The following ZNRF3 variants were observed in gnomAD, a reference collection of about 807,000 sequenced individuals.
ZNRF3 encodes the protein zinc and ring finger 3.
ZNRF3 carries 23 observed loss-of-function variants against 72.5 expected under a neutral mutation model. That is an observed-to-expected ratio of 0.32 (90% CI 0.23 to 0.45). The LOEUF is 0.45. Ranked by LOEUF, ZNRF3 falls within the 20% of genes least tolerant of loss-of-function variation. The pLI is 1.00. For synonymous variants in ZNRF3, 610 were observed against 545.3 expected, an observed-to-expected ratio of 1.12 and a Z score of -1.65; for missense variants, 1,169 against 1,272.1, an observed-to-expected ratio of 0.92 and a Z score of 1.23.
chr22:28,901,932 CTTTTTTTTTTTT>C (rs398036773), intron 1 of ZNRF3, among the ~76,000 whole-genome samples: 1 of 112,980 alleles, frequency 8.9e-6, no homozygotes, highest in Non-Finnish European at 1.8e-5. Context: ...TTTAAGTTAA[CTTTTTTTTTTTT>C]TTTTTTTTTG....
Position 28,987,169 on chromosome 22 carries a change from G to A in ZNRF3, c.394G>A (p.Asp132Asn), listed in dbSNP as rs1387123321. 1 of 1,613,860 alleles carries A rather than the reference G, an allele frequency of 6.2e-7. No individual in the cohort carries two copies. Among genetic ancestry groups the A allele is most frequent in the Non-Finnish European group, 8.5e-7 (1 of 1,179,918 alleles). ...GVVKLEQPELDPKPCLTVLGK... is the reference protein window; with the variant it reads ...GVVKLEQPELNPKPCLTVLGK... Reference sequence around the variant, plus strand: ...GGTGAAGCTGGAACAGCCAGAATTGGACCCGAAACCATGCCTCACTGTCCT... The same window carrying A: ...GGTGAAGCTGGAACAGCCAGAATTGAACCCGAAACCATGCCTCACTGTCCT... Residue 132 changes from aspartate (D) to asparagine (N), a missense_variant, in exon 2 of 9, where the codon GAC becomes AAC. Transcript: ENST00000544604.
chr22:29,053,521 C>G, intron 8 of ZNRF3, 58 bp from the exon 9 acceptor site: 1 of 1,579,896 alleles, frequency 6.3e-7, no homozygotes, highest in South Asian at 1.1e-5. Flanking sequence ...AGTCCCTTGC[C>G]TGGTCCCATG....
At chr22:28,908,207 A>G (rs1315997469) in intron 1 of ZNRF3, among the ~76,000 whole-genome samples, 1 of 152,250 alleles carries the variant, frequency 6.6e-6, no homozygotes, top group African/African-American at 2.4e-5. Context: ...AAAATGCAGC[A>G]TGCAATGGAA....
chr22:29,026,053 C>A (rs1371497739), intron 2 of ZNRF3: 1 of 152,216 alleles, frequency 6.6e-6, no homozygotes, highest in African/African-American at 2.4e-5. Context: ...CTTCCCCCTC[C>A]ATCATCAGCA....
intron 1 of ZNRF3, among the ~76,000 whole-genome samples, chr22:28,954,582 T>G (rs908601655): frequency 2.6e-5 from 4 of 152,244 alleles, no homozygotes; most frequent in Non-Finnish European, 5.9e-5. Flanking sequence ...CAGGAATAAC[T>G]TATCTTGTTG....
At chr22:29,003,513 C>CA (rs796336147) in intron 2 of ZNRF3, among the ~76,000 whole-genome samples, 21,051 of 102,956 alleles carry the variant, frequency 0.2, 2,281 homozygotes, top group African/African-American at 0.38. Context: ...GACTCCGACT[C>CA]AAAAAAAAAA....
intron 1 of ZNRF3, among the ~76,000 whole-genome samples, chr22:28,884,748 T>A (rs964968974): frequency 1.9e-4 from 29 of 152,188 alleles, no homozygotes; most frequent in African/African-American, 6.5e-4. Flanking sequence ...CAAAGACTGA[T>A]GCGAAGGACC....
intron 1 of ZNRF3, among the ~76,000 whole-genome samples, chr22:28,962,140 TC>T (rs559423837): frequency 5.1e-4 from 77 of 152,362 alleles, no homozygotes; most frequent in African/African-American, 1.8e-3. Context: ...AACTTAAAAT[TC>T]AGTTCTCGGT....
At chr22:28,983,359 C>A (rs1422448935) in intron 1 of ZNRF3, among the ~76,000 whole-genome samples, 1 of 151,838 alleles carries the variant, frequency 6.6e-6, no homozygotes. Flanking sequence ...TTTCATAGTT[C>A]AGATTTCTGC....
At chr22:29,041,041 C>T (rs931360609) in intron 2 of ZNRF3, among the ~76,000 whole-genome samples, 10 of 152,178 alleles carry the variant, frequency 6.6e-5, no homozygotes, top group Admixed American at 3.9e-4. Flanking sequence ...ATCATTTGCG[C>T]GTCTTATAGA....
At chr22:29,032,445 C>G (rs543519071) in intron 2 of ZNRF3, among the ~76,000 whole-genome samples, 1 of 152,058 alleles carries the variant, frequency 6.6e-6, no homozygotes, top group African/African-American at 2.4e-5. Flanking sequence ...CAAGGTTGGC[C>G]GGAGGAGACA....
chr22:28,934,741 C>G (rs1174823826), intron 1 of ZNRF3, among the ~76,000 whole-genome samples: 1 of 149,818 alleles, frequency 6.7e-6, no homozygotes, highest in Non-Finnish European at 1.5e-5. Context: ...TCTCTTGAAC[C>G]TGGGAGATGG....
At chr22:28,951,772 T>C (rs1476469160) in intron 1 of ZNRF3, among the ~76,000 whole-genome samples, 1 of 152,150 alleles carries the variant, frequency 6.6e-6, no homozygotes, top group African/African-American at 2.4e-5. Flanking sequence ...GCGCCTGCCA[T>C]GTAAGGTTCC....
Position 29,048,610 on chromosome 22 carries a change from C to A in ZNRF3, c.1015+119C>A. On this transcript the variant is annotated intron_variant, in intron 7 of 8. Transcript: ENST00000544604. This position sits in a 1 kb window ranked among gnomAD's most constrained non-coding sequence, Gnocchi z 4.9. ...TGGCACTGCCCTCTGGACTTGGAGG[C>A]CTGGCAGCCCTGGGTTTTGGAGGTT... The A allele has an allele frequency of 1.1e-6, 1 of 944,638 alleles. No individual in the cohort carries two copies. The highest frequency in any genetic ancestry group is 1.6e-6 in the Non-Finnish European group (1 of 612,596). 58.5% of individuals were successfully genotyped at this position (944,638 alleles called of 1,614,324 possible).
chr22:29,033,350 C>CAAA (rs60310622), intron 2 of ZNRF3, among the ~76,000 whole-genome samples: 94 of 66,008 alleles, frequency 1.4e-3, no homozygotes, highest in South Asian at 5.0e-3. Flanking sequence ...GACTCCATCT[C>CAAA]AAAAAAAAAA....
chr22:29,021,987 A>ATCCC (rs756436381), intron 2 of ZNRF3, among the ~76,000 whole-genome samples: 1 of 151,818 alleles, frequency 6.6e-6, no homozygotes, highest in Non-Finnish European at 1.5e-5. Flanking sequence ...CCCCTTTAAA[A>ATCCC]TCCCTCCCTC....
At chr22:28,937,215 A>ATATATATTTTT (rs1384534826) in intron 1 of ZNRF3, among the ~76,000 whole-genome samples, 2 of 8,848 alleles carry the variant, frequency 2.3e-4, no homozygotes, top group African/African-American at 5.3e-4. Flanking sequence ...ATATATATAT[A>ATATATATTTTT]TTTTTTTTTT....
chr22:29,020,554 C>A (rs998303217), intron 2 of ZNRF3, among the ~76,000 whole-genome samples: 1 of 151,702 alleles, frequency 6.6e-6, no homozygotes, highest in Non-Finnish European at 1.5e-5. Flanking sequence ...AGCCACCGTG[C>A]CTGGCCGCAA....
chr22:28,999,477 T>C (rs376287879), intron 2 of ZNRF3, among the ~76,000 whole-genome samples: 6 of 152,184 alleles, frequency 3.9e-5, no homozygotes, highest in African/African-American at 1.4e-4. Context: ...CCCCTGACTC[T>C]CAAAGAAAGC....
Sources: allele counts gnomAD v4.1 joint callset (sites outside exome capture counted in the v4.1 genomes callset), GRCh38; gene constraint gnomAD v4.1.1; non-coding constraint Gnocchi (gnomAD v3.1); transcripts MANE v1.5; gene names NCBI Gene and HGNC (gene_info 2026-07-23, HGNC 2026-07-21).